The following AKAP8L variants were observed in gnomAD, a reference collection of about 807,000 sequenced individuals.
AKAP8L encodes the protein A-kinase anchor protein 8-like.
Under a neutral mutation model 77.5 loss-of-function variants are expected in AKAP8L, and 34 were observed. The observed-to-expected ratio is 0.44, with a 90% CI of 0.33 to 0.58. The LOEUF (loss-of-function observed/expected upper bound fraction) is 0.58, where lower values mean the gene tolerates loss of function less well. Among genes scored for constraint, AKAP8L ranks in the 20% least tolerant of loss-of-function variants. The probability of loss-of-function intolerance (pLI) is 0.02; values close to 1 mark genes in which losing one functional copy is unlikely to be tolerated. For missense variants in AKAP8L, 806 were observed against 887.6 expected (o/e 0.91, Z 1.17); for synonymous variants, 342 against 340.7 (o/e 1.00, Z -0.04).
Position 15,380,593 on chromosome 19 carries a change from T to C in AKAP8L, c.1556A>G (p.Lys519Arg), listed in dbSNP as rs1272111029. 14 of 1,613,644 alleles carry C rather than the reference T, an allele frequency of 8.7e-6. No individual in the cohort carries two copies. In the Admixed American group the frequency reaches 1.3e-4, roughly 15 times the overall value. Residue 519 changes from lysine to arginine, a missense_variant, in exon 13 of 14, where the codon AAG (lysine) becomes AGG (arginine). Lys to Arg is a conservative substitution (Grantham distance 26). Transcript: ENST00000397410. ...RNRRLMMEQS[K>R]KSSLMVARSI... Reference sequence around the variant, plus strand: ...GCGGGCCACCATGAGGGAGGACTTCTTGGACTGCTCCATCATGAGCTGCGG... The same window carrying C: ...GCGGGCCACCATGAGGGAGGACTTCCTGGACTGCTCCATCATGAGCTGCGG...
In AKAP8L at chr19:15,404,124, G is replaced by A. The variant is rs1035018805; in HGVS notation, c.89-82C>T. 18 of 1,451,214 alleles carry A rather than the reference G, an allele frequency of 1.2e-5. No homozygotes were observed. The Admixed American group carries it at 3.1e-4, about 25-fold the overall frequency. 89.9% of individuals were successfully genotyped at this position (1,451,214 alleles called of 1,614,324 possible). On this transcript the variant is annotated intron_variant, in intron 2 of 13. Coordinates refer to ENST00000397410, the MANE Select transcript of AKAP8L (RefSeq NM_014371.4). ...TTCAGGCGCAGACAATTATTCCCAG[G>A]ACCTGACTGGTCAGAGCAGGCTGCA...
Position 15,399,969 on chromosome 19 carries a change from T to C in AKAP8L, c.1048+326A>G. 2.2e-6 allele frequency: 1 copy of C among 451,390 alleles called. No individual in the cohort carries two copies. Among genetic ancestry groups the C allele is most frequent in the South Asian group, 2.8e-5 (1 of 36,314 alleles). The allele number at this position is 451,390 out of a possible 1,614,324, so 28.0% of individuals were successfully genotyped here. On this transcript the variant is annotated intron_variant, in intron 8 of 13. Coordinates refer to ENST00000397410, the MANE Select transcript of AKAP8L (RefSeq NM_014371.4). This position sits in a 1 kb window ranked among gnomAD's most constrained non-coding sequence, Gnocchi z 6.1. ...AGATCGGACACCAGCCACTGAGGAC[T>C]TGGAACTGCGCGTTACTGAGGGACC... is the stretch of plus-strand genomic sequence containing the variant.
In AKAP8L at chr19:15,400,356, G is replaced by A. The variant is rs773794518; in HGVS notation, c.987C>T (p.Asp329=). Residue 329 remains aspartate, a splice_region_variant and synonymous_variant, in exon 8 of 14, where the codon GAC becomes GAT. Transcript: ENST00000397410. ...CCTCTTTTCCCTCCTCATCCTCTCC[G>A]TCCTAACAATTTCAAATTCCAACTT... ...TEAVEKGSRV[D]GEDEEGKEDG... is the part of the protein sequence containing the mutation. The A allele has an allele frequency of 6.3e-5, 101 of 1,606,684 alleles. No homozygotes were observed. The highest frequency in any genetic ancestry group is 3.3e-4 in the Middle Eastern group (2 of 6,054).
At position 15,418,984 on chromosome 19, in the gene AKAP8L, G is replaced by C; in HGVS notation, c.-61C>G. 1 of 1,600,914 alleles carries C rather than the reference G, an allele frequency of 6.2e-7. No homozygotes were observed. The highest frequency in any genetic ancestry group is 8.5e-7 in the Non-Finnish European group (1 of 1,178,312). On this transcript the variant is annotated 5_prime_UTR_variant, in exon 1 of 14. Coordinates refer to ENST00000397410, the MANE Select transcript of AKAP8L (RefSeq NM_014371.4). The stretch of plus-strand genomic sequence containing the variant: ...TCTGCTGCTCTGAACATCCGACGCT[G>C]CGATAGCTGCTGCTAACCACAGGGT...
intron 1 of AKAP8L, among the ~76,000 whole-genome samples, chr19:15,414,877 T>C (rs1968175693): frequency 6.6e-6 from 1 of 152,180 alleles, no homozygotes; most frequent in Admixed American, 6.5e-5. Context: ...CTGCTCACTG[T>C]GGCCTCAGCC....
chr19:15,381,382 A>G (rs916548699), intron 12 of AKAP8L, among the ~76,000 whole-genome samples: 1 of 152,236 alleles, frequency 6.6e-6, no homozygotes, highest in Non-Finnish European at 1.5e-5. Context: ...AGAAAGGTGT[A>G]TAATATAGTA....
intron 2 of AKAP8L, among the ~76,000 whole-genome samples, chr19:15,406,094 A>G (rs1375201963): frequency 1.3e-5 from 2 of 152,066 alleles, no homozygotes; most frequent in Non-Finnish European, 2.9e-5. Flanking sequence ...CTCCGTGAAC[A>G]CCACTTTACG....
In AKAP8L at chr19:15,401,235, C is replaced by G; in HGVS notation, c.731G>C (p.Gly244Ala). ...QGMRGGGAFP[G>A]GSRFGFGFGN... ...AAACCCGAAACCAAAGCGGGAGCCG[C>G]CCGGGAAGGCGCCCCCACCTCGCAT... is the stretch of plus-strand genomic sequence containing the variant. The change falls in exon 5 of 14, where the codon GGC becomes GCC. Residue 244 changes from glycine (G) to alanine (A), a missense_variant. Physicochemically the swap from Gly to Ala is moderately conservative, Grantham distance 60. Transcript: ENST00000397410. The surrounding 1 kb of genome is among the most constrained non-coding windows in gnomAD (Gnocchi z 6.2). The G allele has an allele frequency of 6.2e-7, 1 of 1,613,538 alleles. No individual in the cohort carries two copies. Among genetic ancestry groups the G allele is most frequent in the Non-Finnish European group, 8.5e-7 (1 of 1,179,634 alleles).
At chr19:15,416,272 C>T (rs1268428170) in intron 1 of AKAP8L, among the ~76,000 whole-genome samples, 1 of 152,214 alleles carries the variant, frequency 6.6e-6, no homozygotes, top group African/African-American at 2.4e-5. Flanking sequence ...GTCTCCATTC[C>T]TGCCTCTTAA....
At chr19:15,383,410 T>C (rs906102254) in intron 12 of AKAP8L, 9 of 152,170 alleles carry the variant, frequency 5.9e-5, no homozygotes, top group Non-Finnish European at 2.9e-5. Context: ...GATCTCACTA[T>C]GGTCAGGAAC....
In AKAP8L at chr19:15,380,202, C is replaced by T. The variant is rs1967369811; in HGVS notation, c.1861G>A (p.Gly621Arg). Residue 621 changes from glycine to arginine, a missense_variant, in exon 14 of 14, where the codon GGG (glycine) becomes AGG (arginine). Coordinates refer to ENST00000397410, the MANE Select transcript of AKAP8L (RefSeq NM_014371.4). ...EEEGAVPLLG[G>R]ALQRQIRGIP... ...CCGCGGATCTGGCGTTGCAGCGCCC[C>T]TCCCAGCAAGGGCACGGCGCCCTCC... is the stretch of plus-strand genomic sequence containing the variant. 1 of 1,508,028 alleles carries T rather than the reference C, an allele frequency of 6.6e-7. No individual in the cohort carries two copies. Among genetic ancestry groups the T allele is most frequent in the African/African-American group, 1.4e-5 (1 of 69,056 alleles). 93.4% of individuals were successfully genotyped at this position (1,508,028 alleles called of 1,614,324 possible). A position where few individuals can be genotyped will look rare whatever the true frequency, so the allele number is the denominator to read the frequency against.
chr19:15,385,636 G>T (rs903191948), intron 12 of AKAP8L, among the ~76,000 whole-genome samples: 4 of 151,924 alleles, frequency 2.6e-5, no homozygotes, highest in African/African-American at 9.7e-5. Context: ...GTCTTGCTCT[G>T]TTGCCCCGGC....
chr19:15,389,493 C>A (rs924914120), intron 12 of AKAP8L, among the ~76,000 whole-genome samples: 1 of 152,188 alleles, frequency 6.6e-6, no homozygotes, highest in African/African-American at 2.4e-5. Flanking sequence ...GCAGCTCAGG[C>A]CGGGCGTGGT....
rs1967707711 is a variant in AKAP8L at position 15,393,566 on chromosome 19, G to T, written c.1536+3584C>A. On this transcript the variant is annotated intron_variant, in intron 12 of 13. Transcript: ENST00000397410. ...AAGATGCCATTAGTCAGTTATCAGG[G>T]CTACGCAAATCAAAACCACAATGAG... is the stretch of plus-strand genomic sequence containing the variant. Among the ~76,000 whole-genome samples, 3 of 152,100 alleles carry T rather than the reference G, an allele frequency of 2.0e-5. No individual in the cohort carries two copies. In the South Asian group the frequency reaches 6.2e-4, roughly 32 times the overall value.
At position 15,384,980 on chromosome 19, in the gene AKAP8L, C is replaced by CTT. The variant is rs940796391; in HGVS notation, c.1537-4370_1537-4369dup. On this transcript the variant is annotated intron_variant, in intron 12 of 13. Coordinates refer to ENST00000397410, the MANE Select transcript of AKAP8L (RefSeq NM_014371.4). ...CCGCCTCCCAGGTTCATGCCATTCTCTTTTTTTTTTTTTTTGAGACGGAGT... is the reference window on the plus strand; with the variant it reads ...CCGCCTCCCAGGTTCATGCCATTCTCTTTTTTTTTTTTTTTTTGAGACGGAGT... 1.6e-3 allele frequency among the ~76,000 whole-genome samples: 223 copies of CTT among 137,950 alleles called. 2 individuals are homozygous for CTT. Among genetic ancestry groups the CTT allele is most frequent in the African/African-American group, 5.4e-3 (205 of 37,708 alleles). 90.5% of individuals were successfully genotyped at this position (137,950 alleles called of 152,430 possible). A position where few individuals can be genotyped will look rare whatever the true frequency, so the allele number is the denominator to read the frequency against.
chr19:15,406,880 AC>A, intron 2 of AKAP8L, among the ~76,000 whole-genome samples: 1 of 152,324 alleles, frequency 6.6e-6, no homozygotes, highest in East Asian at 1.9e-4. Flanking sequence ...ATCAGATTAC[AC>A]CTACCTACTC....
Position 15,418,064 on chromosome 19 carries a change from C to T in AKAP8L, c.13+847G>A, listed in dbSNP as rs774945207. Among the ~76,000 whole-genome samples, 5 of 152,326 alleles carry T rather than the reference C, an allele frequency of 3.3e-5. No individual in the cohort carries two copies. The South Asian group carries it at 8.3e-4, about 25-fold the overall frequency. ...CCTTTTACAGCAAAAGCTCCCTGGG[C>T]CAGATATCTTTATTCGCTCCCTCCA... On this transcript the variant is annotated intron_variant, in intron 1 of 13. Transcript: ENST00000397410.
At chr19:15,392,629 G>A (rs1450091751) in intron 12 of AKAP8L, among the ~76,000 whole-genome samples, 1 of 151,974 alleles carries the variant, frequency 6.6e-6, no homozygotes, top group Non-Finnish European at 1.5e-5. Flanking sequence ...GGGCCTGGTG[G>A]CTCATGCCTG....
At chr19:15,386,273 T>C (rs1259992279) in intron 12 of AKAP8L, among the ~76,000 whole-genome samples, 1 of 152,172 alleles carries the variant, frequency 6.6e-6, no homozygotes, top group Non-Finnish European at 1.5e-5. Flanking sequence ...TTTGGTATCA[T>C]CTTTATCAGA....
Sources: gnomAD v4.1 joint callset for allele counts (sites outside exome capture counted in the v4.1 genomes callset) on GRCh38, gnomAD v4.1.1 for gene constraint, Gnocchi (gnomAD v3.1) non-coding constraint, MANE v1.5 for transcripts, NCBI Gene and HGNC (gene_info 2026-07-23, HGNC 2026-07-21) for gene names.